Variants in SPARC observed in about 807,000 individuals in gnomAD.
SPARC encodes secreted protein acidic and cysteine rich, also known as basement-membrane protein 40.
In SPARC, 23 loss-of-function variants were observed where a neutral mutation model predicts 37.7. That is an observed-to-expected ratio of 0.61 (90% confidence interval 0.44 to 0.87). SPARC has a LOEUF of 0.87. Ranked by LOEUF, SPARC falls within the 40% of genes least tolerant of loss-of-function variation. SPARC has a pLI of 0.00. For missense variants in SPARC, 312 were observed against 389.0 expected (o/e 0.80, Z 1.66); for synonymous variants, 155 against 150.8 (o/e 1.03, Z -0.20).
chr5:151,669,812 C>A (rs1338178649), intron 5 of SPARC, 28 bp from the exon 6 acceptor site: 1 of 1,613,240 alleles, frequency 6.2e-7, no homozygotes, highest in Admixed American at 1.7e-5. Flanking sequence ...AGTACCCCCT[C>A]CTTCATTCCC....
At chr5:151,684,760 C>G (rs1003360456) in intron 1 of SPARC, among the ~76,000 whole-genome samples, 2 of 152,140 alleles carry the variant, frequency 1.3e-5, no homozygotes, top group African/African-American at 2.4e-5. Context: ...CTATCTACCC[C>G]CTAGAGGTGG....
intron 1 of SPARC, 99 bp from the exon 2 acceptor site, chr5:151,676,300 C>G (rs1186277923): frequency 1.3e-6 from 1 of 789,342 alleles, no homozygotes; most frequent in East Asian, 2.8e-5. Flanking sequence ...TTAGATGGTA[C>G]AAGTTAAATG....
intron 1 of SPARC, chr5:151,685,002 T>G (rs1420774326): frequency 6.6e-6 from 1 of 152,034 alleles, no homozygotes; most frequent in Non-Finnish European, 1.5e-5. Context: ...TTCAGACTGA[T>G]GTTCTTAGAG....
chr5:151,668,108 C>T (rs556417342), intron 6 of SPARC, among the ~76,000 whole-genome samples: 1 of 152,156 alleles, frequency 6.6e-6, no homozygotes, highest in East Asian at 1.9e-4. Context: ...AGATTTCATC[C>T]AAGTCCACAC....
At chr5:151,678,843 A>C (rs886440039) in intron 1 of SPARC, among the ~76,000 whole-genome samples, 1 of 152,196 alleles carries the variant, frequency 6.6e-6, no homozygotes, top group Non-Finnish European at 1.5e-5. Flanking sequence ...GTGCTACACC[A>C]CCAGTCCAAG....
intron 8 of SPARC, among the ~76,000 whole-genome samples, chr5:151,665,077 G>A (rs1343832719): frequency 6.6e-6 from 1 of 152,156 alleles, no homozygotes; most frequent in Non-Finnish European, 1.5e-5. Context: ...GAACTGATAG[G>A]AACATTCTCC....
chr5:151,679,353 G>A (rs1760932523), intron 1 of SPARC: 1 of 152,274 alleles, frequency 6.6e-6, no homozygotes, highest in Non-Finnish European at 1.5e-5. Context: ...GAGTGACTGG[G>A]TGGCAGGGCT....
rs1350005875 is a variant in SPARC at position 151,662,649 on chromosome 5, G to A, written c.*922C>T. ...GGAGGGTGAAGAAAAGGAGGAACATGCTAAAAACCTTATGACAATCATCCA... is the reference window on the plus strand; with the variant it reads ...GGAGGGTGAAGAAAAGGAGGAACATACTAAAAACCTTATGACAATCATCCA... On this transcript the variant is annotated 3_prime_UTR_variant, in exon 10 of 10. Transcript: ENST00000231061. 6.6e-5 allele frequency: 10 copies of A among 152,618 alleles called. No homozygotes were observed. The highest frequency in any genetic ancestry group is 2.4e-4 in the African/African-American group (10 of 41,442). The allele number at this position is 152,618 out of a possible 1,614,324, so 9.5% of individuals were successfully genotyped here.
At chr5:151,675,533 A>G (rs895648610) in intron 2 of SPARC, among the ~76,000 whole-genome samples, 12 of 152,154 alleles carry the variant, frequency 7.9e-5, no homozygotes, top group Non-Finnish European at 1.8e-4. Context: ...ACATTCTCTC[A>G]AGATGTGAAA....
chr5:151,681,864 G>A (rs768142649), intron 1 of SPARC, among the ~76,000 whole-genome samples: 1 of 152,160 alleles, frequency 6.6e-6, no homozygotes, highest in Non-Finnish European at 1.5e-5. Context: ...TTGCACTCTC[G>A]CCTGGGCAAC....
chr5:151,673,612 T>G (rs1411249713), intron 3 of SPARC, among the ~76,000 whole-genome samples: 1 of 152,198 alleles, frequency 6.6e-6, no homozygotes, highest in Non-Finnish European at 1.5e-5. Flanking sequence ...CTGAGCCAGA[T>G]TAAATTGTGT....
chr5:151,685,420 TCTCACACACA>T (rs1199542881), intron 1 of SPARC, among the ~76,000 whole-genome samples: 6 of 107,160 alleles, frequency 5.6e-5, no homozygotes, highest in South Asian at 3.3e-4. Context: ...TCCCTCTCTC[TCTCACACACA>T]CACACACACA....
intron 7 of SPARC, 32 bp downstream of exon 7, chr5:151,667,435 A>G: frequency 6.2e-7 from 1 of 1,613,802 alleles, no homozygotes; most frequent in African/African-American, 1.3e-5. Context: ...CTTCACCAGC[A>G]CGGGGCCAGC....
intron 8 of SPARC, among the ~76,000 whole-genome samples, chr5:151,665,274 G>A (rs1048299896): frequency 6.6e-6 from 1 of 152,122 alleles, no homozygotes; most frequent in Admixed American, 6.5e-5. Context: ...GTTGCAGTGG[G>A]ATCAAATTGC....
At chr5:151,672,765 G>A (rs750134508) in intron 4 of SPARC, 10 of 266,610 alleles carry the variant, frequency 3.8e-5, no homozygotes, top group East Asian at 7.9e-5. Flanking sequence ...TGTGGGGCAC[G>A]GGCTGATACA....
chr5:151,686,538 CAA>C (rs1283882648), intron 1 of SPARC: 1 of 152,198 alleles, frequency 6.6e-6, no homozygotes. Flanking sequence ...GCAAAGGGAG[CAA>C]AGAGGACAGG....
At chr5:151,685,421 C>CA (rs1761113997) in intron 1 of SPARC, among the ~76,000 whole-genome samples, 1 of 46,296 alleles carries the variant, frequency 2.2e-5, no homozygotes, top group Admixed American at 3.4e-4. Context: ...CCCTCTCTCT[C>CA]TCACACACAC....
chr5:151,666,559 G>A (rs1278908744), intron 7 of SPARC, 50 bp from the exon 8 acceptor site: 12 of 1,572,948 alleles, frequency 7.6e-6, no homozygotes, highest in Admixed American at 1.7e-5. Context: ...AGATTGTCTG[G>A]ACCAGTCGGG....
Position 151,669,797 on chromosome 5 carries a change from C to T in SPARC, c.331-13G>A. The T allele has an allele frequency of 6.2e-7, 1 of 1,613,970 alleles. No homozygotes were observed. The highest frequency in any genetic ancestry group is 2.2e-5 in the East Asian group (1 of 44,876). On this transcript the variant is annotated splice_polypyrimidine_tract_variant and intron_variant, in intron 5 of 9. Transcript: ENST00000231061. Reference sequence around the variant, plus strand: ...CATTGCTGCACACCTGTTGGCAAAGCACAGAGTACCCCCTCCTTCATTCCC... The same window carrying T: ...CATTGCTGCACACCTGTTGGCAAAGTACAGAGTACCCCCTCCTTCATTCCC...
Sources: gnomAD v4.1 joint callset for allele counts (sites outside exome capture counted in the v4.1 genomes callset) on GRCh38, gnomAD v4.1.1 for gene constraint, MANE v1.5 for transcripts, NCBI Gene and HGNC (gene_info 2026-07-23, HGNC 2026-07-21) for gene names.